Variants in LRMDA observed in about 807,000 individuals in gnomAD.
The protein encoded by LRMDA is leucine rich melanocyte differentiation associated.
A neutral mutation model predicts 29.8 loss-of-function variants in LRMDA; 18 were observed. The observed-to-expected ratio is 0.60, with a 90% CI of 0.42 to 0.90. The LOEUF (loss-of-function observed/expected upper bound fraction) is 0.90, where lower values mean the gene tolerates loss of function less well. Among genes scored for constraint, LRMDA ranks in the 40% least tolerant of loss-of-function variants. The pLI, the probability that LRMDA is intolerant of heterozygous loss-of-function variation, is 0.00. For synonymous variants in LRMDA, 125 were observed against 109.4 expected (o/e 1.14, Z -0.89); for missense variants, 273 against 273.9 (o/e 1.00, Z 0.02).
At chr10:76,212,874 TG>T (rs34825805) in intron 5 of LRMDA, among the ~76,000 whole-genome samples, 1 of 151,576 alleles carries the variant, frequency 6.6e-6, no homozygotes, top group African/African-American at 2.4e-5. Flanking sequence ...AATGTGGGGG[TG>T]GGGGGATGTG....
intron 5 of LRMDA, among the ~76,000 whole-genome samples, chr10:76,171,417 G>A (rs969548852): frequency 4.6e-5 from 7 of 152,206 alleles, no homozygotes; most frequent in African/African-American, 1.4e-4. Flanking sequence ...GGGATTACAG[G>A]CGTGAGCCAC....
chr10:76,293,041 T>C (rs575209578), intron 5 of LRMDA, among the ~76,000 whole-genome samples: 1 of 152,316 alleles, frequency 6.6e-6, no homozygotes, highest in South Asian at 2.1e-4. Flanking sequence ...CAATCTCGGC[T>C]CGGCTCACTG....
At chr10:75,894,052 A>G (rs754957227) in intron 2 of LRMDA, among the ~76,000 whole-genome samples, 2 of 151,638 alleles carry the variant, frequency 1.3e-5, no homozygotes, top group Non-Finnish European at 2.9e-5. Context: ...TCCATAAGTT[A>G]TTGGGGGTAC....
intron 4 of LRMDA, among the ~76,000 whole-genome samples, chr10:76,055,032 C>G (rs1848586689): frequency 8.0e-6 from 1 of 124,766 alleles, no homozygotes; most frequent in Non-Finnish European, 1.6e-5. Context: ...CCACTGCTCT[C>G]CAACCTGGGC....
intron 2 of LRMDA, among the ~76,000 whole-genome samples, chr10:75,662,386 G>C (rs1179623175): frequency 6.6e-6 from 1 of 152,148 alleles, no homozygotes; most frequent in South Asian, 2.1e-4. Flanking sequence ...TTCGGAAAGC[G>C]ACACGGAAAC....
intron 3 of LRMDA, among the ~76,000 whole-genome samples, chr10:76,046,581 T>A (rs1240589896): frequency 6.6e-6 from 1 of 152,124 alleles, no homozygotes; most frequent in Non-Finnish European, 1.5e-5. Flanking sequence ...ACCTCCCAGG[T>A]TCAAGCGATT....
At chr10:75,830,960 A>G (rs1305192045) in intron 2 of LRMDA, among the ~76,000 whole-genome samples, 1 of 152,244 alleles carries the variant, frequency 6.6e-6, no homozygotes, top group Non-Finnish European at 1.5e-5. Flanking sequence ...GAATTGGGTA[A>G]ATACAGCCAT....
At chr10:76,041,922 TA>T (rs1848347646) in intron 3 of LRMDA, among the ~76,000 whole-genome samples, 1 of 152,144 alleles carries the variant, frequency 6.6e-6, no homozygotes, top group African/African-American at 2.4e-5. Context: ...TTAAAAAAGG[TA>T]CCCTTAGGAG....
At chr10:76,112,504 T>C (rs1485867087) in intron 5 of LRMDA, among the ~76,000 whole-genome samples, 2 of 152,192 alleles carry the variant, frequency 1.3e-5, no homozygotes, top group African/African-American at 2.4e-5. Flanking sequence ...AGGGGGGCGC[T>C]TCCACGCGGA....
chr10:75,755,022 C>A (rs1206285549), intron 2 of LRMDA, among the ~76,000 whole-genome samples: 1 of 151,292 alleles, frequency 6.6e-6, no homozygotes, highest in Non-Finnish European at 1.5e-5. Context: ...TTGTTTTTGA[C>A]CTCATGGAAA....
intron 2 of LRMDA, among the ~76,000 whole-genome samples, chr10:75,985,271 A>G (rs1847244233): frequency 6.6e-6 from 1 of 152,268 alleles, no homozygotes; most frequent in Admixed American, 6.5e-5. Flanking sequence ...CATGGCATCC[A>G]GCGTTTTCCA....
At chr10:76,026,477 T>C (rs1848064385) in intron 2 of LRMDA, among the ~76,000 whole-genome samples, 1 of 152,222 alleles carries the variant, frequency 6.6e-6, no homozygotes, top group Non-Finnish European at 1.5e-5. Context: ...TATGAGTCTA[T>C]AAGAAGACTA....
intron 2 of LRMDA, among the ~76,000 whole-genome samples, chr10:76,026,410 C>T (rs569359193): frequency 7.6e-4 from 116 of 152,276 alleles, no homozygotes; most frequent in Non-Finnish European, 1.4e-3. Context: ...CATTAGTCAT[C>T]TTCTGTGAAG....
intron 5 of LRMDA, among the ~76,000 whole-genome samples, chr10:76,079,183 A>T (rs1849011091): frequency 6.6e-6 from 1 of 152,148 alleles, no homozygotes; most frequent in Non-Finnish European, 1.5e-5. Flanking sequence ...AATGTTATAG[A>T]CTGAATATTT....
intron 6 of LRMDA, among the ~76,000 whole-genome samples, chr10:76,343,112 T>C (rs1841061001): frequency 6.6e-6 from 1 of 152,208 alleles, no homozygotes; most frequent in South Asian, 2.1e-4. Flanking sequence ...AGATAGGCTG[T>C]TGTGAGTCAG....
rs78148039 is a variant in LRMDA, at chr10:75,805,087, G to A, written c.132-230921G>A. 5.6e-3 allele frequency among the ~76,000 whole-genome samples: 848 copies of A among 152,300 alleles called. 11 individuals are homozygous for A. The highest frequency in any genetic ancestry group is 0.02 in the African/African-American group (817 of 41,578). ...CCCAGAGGGTCTTCAGAAGATCCGC[G>A]CAGTCAAGGACCTTGCCTTCTTCAA... On this transcript the variant is annotated intron_variant, in intron 2 of 6. Coordinates refer to ENST00000611255, the MANE Select transcript of LRMDA (RefSeq NM_001305581.2).
At chr10:75,434,116 T>C (rs146285841) in intron 1 of LRMDA, among the ~76,000 whole-genome samples, 1,655 of 152,320 alleles carry the variant, frequency 0.011, 7 homozygotes, top group Middle Eastern at 0.017. Context: ...CTCTTTCCTC[T>C]AGCTTATGAC....
intron 2 of LRMDA, among the ~76,000 whole-genome samples, chr10:75,932,429 TG>T (rs2132401663): frequency 1.3e-5 from 2 of 152,200 alleles, no homozygotes; most frequent in Non-Finnish European, 2.9e-5. Flanking sequence ...CCTGGCAACA[TG>T]GGGAGACTTC....
chr10:76,556,143 C>A (rs1009075189), intron 6 of LRMDA, among the ~76,000 whole-genome samples: 1 of 151,982 alleles, frequency 6.6e-6, no homozygotes, highest in Non-Finnish European at 1.5e-5. Context: ...AAAGTTCAAC[C>A]CTATTGTAGG....
Sources: gnomAD v4.1 joint callset for allele counts (sites outside exome capture counted in the v4.1 genomes callset) on GRCh38, gnomAD v4.1.1 for gene constraint, MANE v1.5 for transcripts, NCBI Gene and HGNC (gene_info 2026-07-23, HGNC 2026-07-21) for gene names.